Variants in HSPA12B observed in about 807,000 individuals in gnomAD.
The protein encoded by HSPA12B is heat shock 70 kDa protein 12B.
In HSPA12B, 54 loss-of-function variants were observed where a neutral mutation model predicts 69.3. That is an observed-to-expected ratio of 0.78 (90% CI 0.63 to 0.98). HSPA12B has a LOEUF of 0.98. Among genes scored for constraint, HSPA12B ranks in the 50% least tolerant of loss-of-function variants. The pLI is 0.00. For missense variants in HSPA12B, 929 were observed against 999.8 expected, an observed-to-expected ratio of 0.93 and a Z score of 0.96; for synonymous variants, 441 against 436.5, an observed-to-expected ratio of 1.01 and a Z score of -0.13.
rs1268698473 is a variant in HSPA12B, at chr20:3,751,676, C to A, written c.1571C>A (p.Ala524Glu). 4 of 1,499,350 alleles carry A rather than the reference C, an allele frequency of 2.7e-6. No homozygotes were observed. The highest frequency in any genetic ancestry group is 3.5e-6 in the Non-Finnish European group (4 of 1,128,288). 92.9% of individuals were successfully genotyped at this position (1,499,350 alleles called of 1,614,324 possible). Residue 524 changes from alanine (A) to glutamate (E), a missense_variant, in exon 13 of 13, where the codon GCG becomes GAG. Ala to Glu is a moderately radical substitution (Grantham distance 107, BLOSUM62 -1). Around this residue, in one of 3 missense-constraint regions of HSPA12B, gnomAD observed 448 missense variants for 448.1 expected, o/e 1.00. Transcript: ENST00000254963. ...GTGGGCCTCACCATCCTCAAAGGCG[C>A]GGTGCTGTTCGGCCAGGCGCCGGGC... ...HDVGLTILKG[A>E]VLFGQAPGVV...
At chr20:3,734,393 GGGCAGGGTTA>G (rs2088076184) in intron 1 of HSPA12B, among the ~76,000 whole-genome samples, 1 of 152,228 alleles carries the variant, frequency 6.6e-6, no homozygotes, top group South Asian at 2.1e-4. Flanking sequence ...GTCAGTCCAT[GGGCAGGGTTA>G]GGGATCAGGC....
At position 3,751,634 on chromosome 20, in the gene HSPA12B, T is replaced by G; in HGVS notation, c.1529T>G (p.Val510Gly). Residue 510 changes from valine to glycine, a missense_variant, in exon 13 of 13, where the codon GTC (valine) becomes GGC (glycine). Transcript: ENST00000254963. The part of the protein sequence containing the change: ...QAALGARGLR[V>G]VVPHDVGLTI... The stretch of plus-strand genomic sequence containing the variant: ...GCGCTGGGCGCCCGCGGTCTGCGTG[T>G]CGTGGTCCCGCACGACGTGGGCCTC... 6.5e-7 allele frequency: 1 copy of G among 1,527,788 alleles called. No homozygotes were observed. Among genetic ancestry groups the G allele is most frequent in the South Asian group, 1.2e-5 (1 of 82,910 alleles). 94.6% of individuals were successfully genotyped at this position (1,527,788 alleles called of 1,614,324 possible). A position where few individuals can be genotyped will look rare whatever the true frequency, so the allele number is the denominator to read the frequency against.
rs2088257431 is a variant in HSPA12B at position 3,744,225 on chromosome 20, A to G, written c.267-677A>G. 6.6e-6 allele frequency among the ~76,000 whole-genome samples: 1 copy of G among 152,172 alleles called. No individual in the cohort carries two copies. ...GGTAACTGCTCCCAAAATACATGGG[A>G]CTTGAGCTTCATGAGACTGGACTGT... On this transcript the variant is annotated intron_variant, in intron 4 of 12. Transcript: ENST00000254963. This position sits in a 1 kb window ranked among gnomAD's most constrained non-coding sequence, Gnocchi z 4.9.
At chr20:3,747,242 G>A (rs1293617673) in intron 7 of HSPA12B, among the ~76,000 whole-genome samples, 2 of 152,248 alleles carry the variant, frequency 1.3e-5, no homozygotes, top group South Asian at 2.1e-4. Context: ...CCTGCCTGTG[G>A]ACACCCTGGA....
Position 3,748,203 on chromosome 20 carries a change from C to A in HSPA12B, c.676-14C>A. On this transcript the variant is annotated splice_polypyrimidine_tract_variant and intron_variant, in intron 7 of 12. Coordinates refer to ENST00000254963, the MANE Select transcript of HSPA12B (RefSeq NM_052970.5). ...CCACAGTGCTGCCTGACCCTGCCCA[C>A]CACCCATCCCCAGGCTGGACTAGTG... 2 of 1,532,962 alleles carry A rather than the reference C, an allele frequency of 1.3e-6. No individual in the cohort carries two copies. Among genetic ancestry groups the A allele is most frequent in the Non-Finnish European group, 8.8e-7 (1 of 1,132,820 alleles). 95.0% of individuals were successfully genotyped at this position (1,532,962 alleles called of 1,614,324 possible).
rs761958101 is a variant in HSPA12B, at chr20:3,745,636, C to T, written c.558+39C>T. 9.0e-6 allele frequency: 14 copies of T among 1,563,328 alleles called. No individual in the cohort carries two copies. Among genetic ancestry groups the T allele is most frequent in the Non-Finnish European group, 1.2e-5 (14 of 1,135,000 alleles). On this transcript the variant is annotated intron_variant, in intron 6 of 12. Coordinates refer to ENST00000254963, the MANE Select transcript of HSPA12B (RefSeq NM_052970.5). This position sits in a 1 kb window ranked among gnomAD's most constrained non-coding sequence, Gnocchi z 5.6. ...CCACCTCTGCCGACTGTGGCAGGGA[C>T]CCCCTATTTTCCCCTCATCCGAAAC...
chr20:3,738,601 G>C, intron 1 of HSPA12B, 57 bp from the exon 2 acceptor site: 1 of 1,505,916 alleles, frequency 6.6e-7, no homozygotes, highest in Non-Finnish European at 9.2e-7. Context: ...TAAGCATTCA[G>C]ATGAGGGAAC....
In HSPA12B at chr20:3,745,089, G is replaced by GT; in HGVS notation, c.453+2dup. On this transcript the variant is annotated splice_donor_variant, in intron 5 of 12. Coordinates refer to ENST00000254963, the MANE Select transcript of HSPA12B (RefSeq NM_052970.5). LOFTEE classifies it high-confidence loss of function. The surrounding 1 kb of genome is among the most constrained non-coding windows in gnomAD (Gnocchi z 5.6). The stretch of plus-strand genomic sequence containing the variant: ...CAAGATGAAGATCCACAGCGCCACG[G>GT]TGAGTCACAGGGCTCCAGACAGGGA... 1 of 1,612,162 alleles carries GT rather than the reference G, an allele frequency of 6.2e-7. No homozygotes were observed. The highest frequency in any genetic ancestry group is 8.5e-7 in the Non-Finnish European group (1 of 1,178,968).
At chr20:3,739,160 GAGTAT>G (rs1357017049) in intron 2 of HSPA12B, among the ~76,000 whole-genome samples, 1 of 151,980 alleles carries the variant, frequency 6.6e-6, no homozygotes, top group Non-Finnish European at 1.5e-5. Flanking sequence ...CTGTGTACGG[GAGTAT>G]AGTCTGCAGG....
intron 4 of HSPA12B, among the ~76,000 whole-genome samples, chr20:3,743,056 T>G (rs28491846): frequency 0.016 from 1,777 of 111,170 alleles, 34 homozygotes; most frequent in African/African-American, 0.053. Context: ...TTTTTTTTTT[T>G]TGTATTTTTA....
Position 3,752,263 on chromosome 20 carries a change from C to T in HSPA12B, c.*97C>T. On this transcript the variant is annotated 3_prime_UTR_variant, in exon 13 of 13. Transcript: ENST00000254963. ...GGTTGGGGCGGGGGAAACGATAGTT[C>T]TGCAGTCTGCGCCTTTCCACGCCCT... 3 of 1,195,944 alleles carry T rather than the reference C, an allele frequency of 2.5e-6. No homozygotes were observed. The highest frequency in any genetic ancestry group is 3.0e-5 in the East Asian group (1 of 33,834). The allele number at this position is 1,195,944 out of a possible 1,614,324, so 74.1% of individuals were successfully genotyped here.
In HSPA12B at chr20:3,749,390, A is replaced by T; in HGVS notation, c.937+72A>T. 1 of 1,351,226 alleles carries T rather than the reference A, an allele frequency of 7.4e-7. No homozygotes were observed. Among genetic ancestry groups the T allele is most frequent in the Admixed American group, 1.9e-5 (1 of 52,214 alleles). The allele number at this position is 1,351,226 out of a possible 1,614,324, so 83.7% of individuals were successfully genotyped here. A position where few individuals can be genotyped will look rare whatever the true frequency, so the allele number is the denominator to read the frequency against. On this transcript the variant is annotated intron_variant, in intron 9 of 12. Transcript: ENST00000254963. The surrounding 1 kb of genome is among the most constrained non-coding windows in gnomAD (Gnocchi z 5.5). ...ACCATATACTGATGGGGGGAAGGGC[A>T]TGTTTGCAAAGCCCGTCTCTTCCTC...
intron 2 of HSPA12B, among the ~76,000 whole-genome samples, chr20:3,738,925 C>T (rs1012239013): frequency 3.3e-5 from 5 of 151,766 alleles, no homozygotes; most frequent in East Asian, 3.9e-4. Flanking sequence ...CTGTGTGCAC[C>T]GGTCTGTGTA....
chr20:3,736,697 A>G (rs2088113332), intron 1 of HSPA12B, among the ~76,000 whole-genome samples: 1 of 152,196 alleles, frequency 6.6e-6, no homozygotes, highest in African/African-American at 2.4e-5. Flanking sequence ...ACACTTCTCA[A>G]ACTTCAATGT....
chr20:3,748,698 G>C (rs2088353926), intron 8 of HSPA12B, among the ~76,000 whole-genome samples: 1 of 152,116 alleles, frequency 6.6e-6, no homozygotes, highest in Non-Finnish European at 1.5e-5. Context: ...TGAGTCTGAG[G>C]GTTGGGGGAG....
At chr20:3,748,415 C>T (rs752513175) in intron 8 of HSPA12B, 24 bp downstream of exon 8, 2 of 1,553,810 alleles carry the variant, frequency 1.3e-6, no homozygotes, top group Non-Finnish European at 1.7e-6. Context: ...GGGGACACCA[C>T]CCACCCCTGG....
intron 1 of HSPA12B, among the ~76,000 whole-genome samples, chr20:3,734,100 C>T (rs867766690): frequency 1.3e-5 from 2 of 152,168 alleles, no homozygotes; most frequent in South Asian, 2.1e-4. Flanking sequence ...GCCAGGTGGT[C>T]GAGGCTGCAG....
rs796285386 is a variant in HSPA12B at position 3,752,284 on chromosome 20, G to A, written c.*118G>A. ...AGTTCTGCAGTCTGCGCCTTTCCAC[G>A]CCCTCCAGCCCCGGGGGAGATAAGG... On this transcript the variant is annotated 3_prime_UTR_variant, in exon 13 of 13. Coordinates refer to ENST00000254963, the MANE Select transcript of HSPA12B (RefSeq NM_052970.5). 51 of 981,944 alleles carry A rather than the reference G, an allele frequency of 5.2e-5. 1 individual carries two copies. In the African/African-American group the frequency reaches 8.1e-4, roughly 16 times the overall value. 60.8% of individuals were successfully genotyped at this position (981,944 alleles called of 1,614,324 possible).
At chr20:3,741,583 A>G (rs931090124) in intron 3 of HSPA12B, among the ~76,000 whole-genome samples, 3 of 152,196 alleles carry the variant, frequency 2.0e-5, no homozygotes, top group African/African-American at 7.2e-5. Context: ...CAGTTAGCCA[A>G]GATCGCACCA....
Sources: gnomAD v4.1 joint callset for allele counts (sites outside exome capture counted in the v4.1 genomes callset) on GRCh38, gnomAD v4.1.1 for gene constraint, gnomAD v4.1.1 regional missense constraint, Gnocchi (gnomAD v3.1) non-coding constraint, MANE v1.5 for transcripts, NCBI Gene and HGNC (gene_info 2026-07-23, HGNC 2026-07-21) for gene names.